The following ABCB5 variants were observed in gnomAD, a reference collection of about 807,000 sequenced individuals.
ABCB5 encodes the protein ATP binding cassette subfamily B member 5.
ABCB5 carries 155 observed loss-of-function variants against 144.2 expected under a neutral mutation model. The observed-to-expected ratio is 1.08, with a 90% CI of 0.94 to 1.23. ABCB5 has a LOEUF of 1.23. Among genes scored for constraint, ABCB5 ranks in the 50% most tolerant of loss-of-function variants. The probability of loss-of-function intolerance (pLI) is 0.00; values close to 1 mark genes in which losing one functional copy is unlikely to be tolerated. For missense variants in ABCB5, 1,830 were observed against 1,520.8 expected, an observed-to-expected ratio of 1.20 and a Z score of -3.38; for synonymous variants, 610 against 528.6, an observed-to-expected ratio of 1.15 and a Z score of -2.11.
rs1319618097 is a variant in ABCB5, at chr7:20,698,426, C to T, written c.2030C>T (p.Ser677Phe). 1 of 1,577,680 alleles carries T rather than the reference C, an allele frequency of 6.3e-7. No individual in the cohort carries two copies. The highest frequency in any genetic ancestry group is 2.0e-5 in the Admixed American group (1 of 48,974). Residue 677 changes from serine to phenylalanine, a missense_variant, in exon 17 of 28, where the codon TCT becomes TTT. Physicochemically the swap from Ser to Phe is radical, Grantham distance 155. Transcript: ENST00000404938. ...QSKEISLPEV[S>F]LLKILKLNKP... ...TTTTAGATAAGTCTTCCTGAAGTCT[C>T]TCTATTAAAAATTTTAAAGTTAAAC...
intron 11 of ABCB5, among the ~76,000 whole-genome samples, chr7:20,649,376 A>G (rs1452553911): frequency 6.6e-6 from 1 of 152,172 alleles, no homozygotes; most frequent in Non-Finnish European, 1.5e-5. Context: ...GCAAGCAAAG[A>G]TAGGTGAGAA....
chr7:20,665,547 T>C (rs750093291), intron 14 of ABCB5, among the ~76,000 whole-genome samples: 6 of 152,012 alleles, frequency 3.9e-5, no homozygotes, highest in Non-Finnish European at 5.9e-5. Context: ...TGAAGAGTAG[T>C]GAGAAGTTCT....
intron 14 of ABCB5, chr7:20,667,214 T>A (rs76181924): frequency 1.7e-5 from 16 of 925,106 alleles, no homozygotes; most frequent in Non-Finnish European, 2.1e-5. Flanking sequence ...TAACATAATA[T>A]CTACCTTAAT....
chr7:20,666,031 G>A (rs775958761), intron 14 of ABCB5, among the ~76,000 whole-genome samples: 1 of 152,040 alleles, frequency 6.6e-6, no homozygotes, highest in African/African-American at 2.4e-5. Context: ...TTAGCCGGGC[G>A]TGGTGGCACA....
chr7:20,681,115 T>TC (rs145453299), intron 14 of ABCB5, among the ~76,000 whole-genome samples: 112 of 5,852 alleles, frequency 0.019, 11 homozygotes, highest in African/African-American at 0.032. Context: ...TTTCTTTCTT[T>TC]CTTTCTTTCT....
chr7:20,639,984 C>T (rs1450288792), intron 5 of ABCB5, among the ~76,000 whole-genome samples: 1 of 152,178 alleles, frequency 6.6e-6, no homozygotes, highest in Non-Finnish European at 1.5e-5. Flanking sequence ...AATCCATCAA[C>T]ATGGATTGTC....
intron 20 of ABCB5, among the ~76,000 whole-genome samples, chr7:20,716,346 T>TA (rs1781674252): frequency 1.3e-5 from 2 of 152,188 alleles, no homozygotes; most frequent in Admixed American, 1.3e-4. Flanking sequence ...ATTTTATATT[T>TA]AAAGAACAAT....
chr7:20,682,669 A>T (rs1161251164), intron 15 of ABCB5, among the ~76,000 whole-genome samples: 1 of 152,172 alleles, frequency 6.6e-6, no homozygotes, highest in African/African-American at 2.4e-5. Flanking sequence ...GTATGTAGGA[A>T]GCACCTAAGA....
At chr7:20,644,649 A>G (rs1008221944) in intron 7 of ABCB5, among the ~76,000 whole-genome samples, 2 of 152,200 alleles carry the variant, frequency 1.3e-5, no homozygotes, top group East Asian at 1.9e-4. Context: ...AAATTCTACC[A>G]TTGTATATAC....
intron 20 of ABCB5, among the ~76,000 whole-genome samples, chr7:20,719,388 T>A (rs1024670206): frequency 2.0e-5 from 3 of 152,226 alleles, no homozygotes; most frequent in African/African-American, 7.2e-5. Flanking sequence ...AAAATTTATT[T>A]TACCTCATAC....
intron 14 of ABCB5, chr7:20,666,806 C>A (rs764033100): frequency 1.3e-6 from 2 of 1,582,842 alleles, no homozygotes; most frequent in Admixed American, 1.8e-5. Flanking sequence ...ACACTATCTA[C>A]GTTGAGGTAT....
intron 1 of ABCB5, among the ~76,000 whole-genome samples, chr7:20,619,526 GTTAT>G (rs762462376): frequency 2.0e-5 from 3 of 150,120 alleles, no homozygotes; most frequent in African/African-American, 5.0e-5. Flanking sequence ...TTTTAATGGG[GTTAT>G]TTGTTTTTTT....
chr7:20,715,041 A>G (rs1781625786), intron 20 of ABCB5, among the ~76,000 whole-genome samples: 1 of 151,900 alleles, frequency 6.6e-6, no homozygotes, highest in South Asian at 2.1e-4. Flanking sequence ...CTTATTTTCT[A>G]CCCCTTTTAT....
At chr7:20,694,811 G>A (rs1786352792) in intron 16 of ABCB5, among the ~76,000 whole-genome samples, 1 of 151,056 alleles carries the variant, frequency 6.6e-6, no homozygotes. Flanking sequence ...GTGGGAAGTG[G>A]GAAATTAAAA....
intron 23 of ABCB5, among the ~76,000 whole-genome samples, chr7:20,734,372 G>C (rs6960186): frequency 0.31 from 46,565 of 149,740 alleles, 7,513 homozygotes; most frequent in Non-Finnish European, 0.34. Context: ...TTCCAACTCA[G>C]CAATCTAGGA....
At chr7:20,740,798 C>G (rs561352998) in intron 24 of ABCB5, among the ~76,000 whole-genome samples, 3 of 152,152 alleles carry the variant, frequency 2.0e-5, no homozygotes, top group Admixed American at 6.5e-5. Flanking sequence ...CTGAATATCA[C>G]TCTACGCTTT....
Position 20,699,812 on chromosome 7 carries a change from T to G in ABCB5, c.2155-13T>G. 1 of 1,546,374 alleles carries G rather than the reference T, an allele frequency of 6.5e-7. No homozygotes were observed. The highest frequency in any genetic ancestry group is 8.8e-7 in the Non-Finnish European group (1 of 1,131,444). On this transcript the variant is annotated splice_polypyrimidine_tract_variant and intron_variant, in intron 17 of 27. Coordinates refer to ENST00000404938, the MANE Select transcript of ABCB5 (RefSeq NM_001163941.2). Reference sequence around the variant, plus strand: ...TTCCCCCAAACACCTGATAAAAATCTGTTCCTTTTCAGATGTTTGGAAATA... The same window carrying G: ...TTCCCCCAAACACCTGATAAAAATCGGTTCCTTTTCAGATGTTTGGAAATA...
intron 16 of ABCB5, among the ~76,000 whole-genome samples, chr7:20,691,851 G>A (rs997406874): frequency 1.3e-5 from 2 of 151,732 alleles, no homozygotes; most frequent in Non-Finnish European, 2.9e-5. Flanking sequence ...GAAATACCTA[G>A]TCCCCAAAAG....
chr7:20,717,827 A>T (rs1356118974), intron 20 of ABCB5, among the ~76,000 whole-genome samples: 1 of 145,958 alleles, frequency 6.9e-6, no homozygotes, highest in Non-Finnish European at 1.5e-5. Context: ...CTGTATCTAT[A>T]ATTTATTTAT....
Sources: gnomAD v4.1 joint callset for allele counts (sites outside exome capture counted in the v4.1 genomes callset) on GRCh38, gnomAD v4.1.1 for gene constraint, MANE v1.5 for transcripts, NCBI Gene and HGNC (gene_info 2026-07-23, HGNC 2026-07-21) for gene names.